Variants in MEI4 observed in about 807,000 individuals in gnomAD.
MEI4 encodes the protein meiosis-specific protein MEI4.
In MEI4, 27 loss-of-function variants were observed where a neutral mutation model predicts 31.4. That is an observed-to-expected ratio of 0.86 (90% CI 0.63 to 1.19). MEI4 has a LOEUF of 1.19. Ranked by LOEUF, MEI4 falls within the 50% of genes most tolerant of loss-of-function variation. The pLI, the probability that MEI4 is intolerant of heterozygous loss-of-function variation, is 0.00. For synonymous variants in MEI4, 122 were observed against 145.4 expected (o/e 0.84, Z 1.16); for missense variants, 329 against 398.9 (o/e 0.82, Z 1.49).
chr6:77,736,438 A>T (rs1443236721), intron 2 of MEI4, among the ~76,000 whole-genome samples: 2 of 152,182 alleles, frequency 1.3e-5, no homozygotes, highest in South Asian at 2.1e-4. Context: ...TAGGAAAGGG[A>T]ACTCCCTGAC....
chr6:77,712,021 C>G (rs929229618), intron 2 of MEI4, among the ~76,000 whole-genome samples: 14 of 152,104 alleles, frequency 9.2e-5, no homozygotes, highest in African/African-American at 3.4e-4. Flanking sequence ...ATTTTTCCTT[C>G]CATTGATTCA....
intron 2 of MEI4, among the ~76,000 whole-genome samples, chr6:77,698,674 T>A (rs1766123274): frequency 6.6e-6 from 1 of 152,202 alleles, no homozygotes. Context: ...TGGGTAACCA[T>A]ACCTTTCTCT....
intron 3 of MEI4, among the ~76,000 whole-genome samples, chr6:77,789,487 A>C (rs993700512): frequency 6.6e-6 from 1 of 152,214 alleles, no homozygotes. Flanking sequence ...AATGGGAGAA[A>C]ATTTTTGCAA....
chr6:77,651,723 G>T (rs937656814), upstream of MEI4, among the ~76,000 whole-genome samples: 7 of 152,176 alleles, frequency 4.6e-5, no homozygotes. Flanking sequence ...GAAATAAAGA[G>T]CATGTGTAAT....
chr6:77,919,603 G>A (rs974157485), intron 4 of MEI4, among the ~76,000 whole-genome samples: 2 of 151,474 alleles, frequency 1.3e-5, no homozygotes, highest in Non-Finnish European at 2.9e-5. Flanking sequence ...AAAAGCAAGA[G>A]CAAACACATT....
intron 3 of MEI4, among the ~76,000 whole-genome samples, chr6:77,828,597 C>A (rs1770010258): frequency 6.6e-6 from 1 of 152,098 alleles, no homozygotes; most frequent in African/African-American, 2.4e-5. Flanking sequence ...TCTGGCTAAT[C>A]TATCTAAAAG....
chr6:77,921,869 A>G (rs1171363778), intron 4 of MEI4, among the ~76,000 whole-genome samples: 1 of 151,766 alleles, frequency 6.6e-6, no homozygotes, highest in East Asian at 1.9e-4. Context: ...GTATCTCAAA[A>G]CAAAGTAGTA....
chr6:77,651,422 A>C (rs555474193), upstream of MEI4, among the ~76,000 whole-genome samples: 9 of 152,368 alleles, frequency 5.9e-5, no homozygotes, highest in South Asian at 1.0e-3. Context: ...GGAACCATAG[A>C]TAAGGCAATG....
chr6:77,782,834 T>G (rs1206025503), intron 3 of MEI4, among the ~76,000 whole-genome samples: 2 of 152,170 alleles, frequency 1.3e-5, no homozygotes, highest in Admixed American at 6.6e-5. Flanking sequence ...GCAAAATAAT[T>G]TATTATTTTC....
intron 2 of MEI4, among the ~76,000 whole-genome samples, chr6:77,753,123 A>T (rs1459445984): frequency 6.6e-6 from 1 of 152,248 alleles, no homozygotes; most frequent in Non-Finnish European, 1.5e-5. Context: ...GAAGAATTAA[A>T]TGTAAGACCT....
intron 4 of MEI4, among the ~76,000 whole-genome samples, chr6:77,846,951 AG>A (rs1351724017): frequency 1.3e-5 from 2 of 152,148 alleles, no homozygotes; most frequent in Non-Finnish European, 2.9e-5. Flanking sequence ...CAGCTCAGTC[AG>A]CCTCTCACTT....
At chr6:77,728,307 C>T (rs1366044639) in intron 2 of MEI4, among the ~76,000 whole-genome samples, 2 of 152,200 alleles carry the variant, frequency 1.3e-5, no homozygotes, top group Non-Finnish European at 2.9e-5. Flanking sequence ...CTGCTTACTA[C>T]TCATTAGGAG....
At chr6:77,771,716 A>G (rs1403341062) in intron 3 of MEI4, among the ~76,000 whole-genome samples, 1 of 152,114 alleles carries the variant, frequency 6.6e-6, no homozygotes, top group African/African-American at 2.4e-5. Context: ...GTTCTCACTT[A>G]TAAATGGGAG....
At chr6:77,825,913 A>G (rs1769935704) in intron 3 of MEI4, among the ~76,000 whole-genome samples, 1 of 152,172 alleles carries the variant, frequency 6.6e-6, no homozygotes, top group East Asian at 1.9e-4. Context: ...CTTCAGTTAC[A>G]ATCTATACTC....
At chr6:77,727,492 G>A (rs145117458) in intron 2 of MEI4, among the ~76,000 whole-genome samples, 30 of 152,284 alleles carry the variant, frequency 2.0e-4, no homozygotes, top group Non-Finnish European at 2.9e-4. Context: ...AGAAGAAGGT[G>A]TTGGAAGACA....
chr6:77,746,224 G>A (rs907793334), intron 2 of MEI4, among the ~76,000 whole-genome samples: 1 of 152,140 alleles, frequency 6.6e-6, no homozygotes, highest in Non-Finnish European at 1.5e-5. Flanking sequence ...TAGACCGCTA[G>A]CAAGACTAAT....
chr6:77,896,667 C>T (rs889393664), intron 4 of MEI4, among the ~76,000 whole-genome samples: 5 of 151,978 alleles, frequency 3.3e-5, no homozygotes, highest in African/African-American at 1.2e-4. Flanking sequence ...ATTAGAAAAT[C>T]TTTAAAATAA....
chr6:77,735,963 G>A (rs931008880), intron 2 of MEI4, among the ~76,000 whole-genome samples: 1 of 152,004 alleles, frequency 6.6e-6, no homozygotes, highest in Non-Finnish European at 1.5e-5. Flanking sequence ...AGGGGTCAGG[G>A]ACCCACTTGA....
At chr6:77,700,537 G>A (rs868804670) in intron 2 of MEI4, among the ~76,000 whole-genome samples, 5 of 152,270 alleles carry the variant, frequency 3.3e-5, no homozygotes, top group South Asian at 2.1e-4. Context: ...GACCCCTTGC[G>A]CTTCCCGAGT....
Sources: gnomAD v4.1 joint callset for allele counts (sites outside exome capture counted in the v4.1 genomes callset) on GRCh38, gnomAD v4.1.1 for gene constraint, MANE v1.5 for transcripts, NCBI Gene and HGNC (gene_info 2026-07-23, HGNC 2026-07-21) for gene names.